Variants in AGBL1 observed in about 807,000 individuals in gnomAD.
AGBL1 encodes cytosolic carboxypeptidase 4.
Under a neutral mutation model 118.9 loss-of-function variants are expected in AGBL1, and 130 were observed. That is an observed-to-expected ratio of 1.09 (90% confidence interval 0.95 to 1.26). The LOEUF (loss-of-function observed/expected upper bound fraction) is 1.26. Among genes scored for constraint, AGBL1 ranks in the 50% most tolerant of loss-of-function variants. The pLI is 0.00. For synonymous variants in AGBL1, 555 were observed against 478.9 expected (o/e 1.16, Z -2.08); for missense variants, 1,584 against 1,298.1 (o/e 1.22, Z -3.38).
intron 15 of AGBL1, among the ~76,000 whole-genome samples, chr15:86,278,131 C>G (rs931320917): frequency 3.3e-5 from 5 of 152,192 alleles, no homozygotes; most frequent in African/African-American, 1.2e-4. Flanking sequence ...TTTGGAGAAG[C>G]TTCAGAACTT....
At position 86,264,741 on chromosome 15, in the gene AGBL1, G is replaced by A; in HGVS notation, c.1570G>A (p.Val524Met). The change falls in exon 11 of 23, where the codon GTG (valine) becomes ATG (methionine). Residue 524 changes from valine (V) to methionine (M), a missense_variant. By Grantham distance (21) the Val-to-Met change is conservative. Transcript: ENST00000614907. ...GGCCAAAGCCAGAAGAACCAGCTCT[G>A]TGGTGGACTTCAAGATGATGGCATT... Reference protein sequence around the residue: ...YMAKARRTSSVVDFKMMAFPD... With the variant: ...YMAKARRTSSMVDFKMMAFPD... 1 of 1,614,010 alleles carries A rather than the reference G, an allele frequency of 6.2e-7. No homozygotes were observed. Among genetic ancestry groups the A allele is most frequent in the Non-Finnish European group, 8.5e-7 (1 of 1,179,876 alleles).
chr15:86,688,332 C>G (rs1369354354), intron 22 of AGBL1, among the ~76,000 whole-genome samples: 2 of 151,904 alleles, frequency 1.3e-5, no homozygotes, highest in Non-Finnish European at 2.9e-5. Context: ...AGAAACTTGC[C>G]AAGAAGGAAC....
intron 1 of AGBL1, among the ~76,000 whole-genome samples, chr15:86,122,844 C>T (rs915829309): frequency 6.6e-6 from 1 of 152,140 alleles, no homozygotes; most frequent in Admixed American, 6.5e-5. Context: ...ACCCTCCTCC[C>T]TTTGGAATTC....
Position 86,433,575 on chromosome 15 carries a change from GAA to G in AGBL1, c.2555+36030_2555+36031del, listed in dbSNP as rs536255356. ...CCGCCATTCACATTTCTTGGAGAGA[GAA>G]GTGTGTCAGGGTCTCTACTTTTAAA... On this transcript the variant is annotated intron_variant, in intron 18 of 22. Transcript: ENST00000614907. Among the ~76,000 whole-genome samples the G allele has an allele frequency of 2.6e-3, 397 of 152,234 alleles. 3 individuals carry two copies. Among genetic ancestry groups the G allele is most frequent in the African/African-American group, 7.1e-3 (294 of 41,538 alleles).
At chr15:86,239,011 A>G (rs1317093958) in intron 6 of AGBL1, among the ~76,000 whole-genome samples, 1 of 152,084 alleles carries the variant, frequency 6.6e-6, no homozygotes, top group Non-Finnish European at 1.5e-5. Flanking sequence ...AGGGTGGGGG[A>G]AGAGCAGAGA....
intron 18 of AGBL1, among the ~76,000 whole-genome samples, chr15:86,402,191 T>C (rs570496254): frequency 3.3e-5 from 5 of 151,650 alleles, no homozygotes; most frequent in Non-Finnish European, 1.5e-5. Context: ...TTCTAGGTTA[T>C]TTATTTATTT....
intron 21 of AGBL1, among the ~76,000 whole-genome samples, chr15:86,582,362 G>C (rs1026455652): frequency 1.3e-5 from 2 of 152,072 alleles, no homozygotes; most frequent in Non-Finnish European, 2.9e-5. Context: ...TAAAGCCCTA[G>C]CCTTTGTAAT....
At chr15:86,683,570 T>C (rs557395295) in intron 22 of AGBL1, among the ~76,000 whole-genome samples, 1 of 152,288 alleles carries the variant, frequency 6.6e-6, no homozygotes, top group African/African-American at 2.4e-5. Flanking sequence ...ATTTACACAT[T>C]GCCAGTCAAC....
chr15:86,091,767 A>G (rs1206847641), intron 1 of AGBL1, among the ~76,000 whole-genome samples: 1 of 152,092 alleles, frequency 6.6e-6, no homozygotes, highest in African/African-American at 2.4e-5. Context: ...ACTTCCAGTA[A>G]AATAAATCTC....
chr15:86,402,573 GAC>G (rs1223749222), intron 18 of AGBL1, among the ~76,000 whole-genome samples: 1 of 152,140 alleles, frequency 6.6e-6, no homozygotes, highest in Non-Finnish European at 1.5e-5. Context: ...TCAGTAAAGA[GAC>G]AATCCTTGCA....
intron 22 of AGBL1, among the ~76,000 whole-genome samples, chr15:86,767,278 T>C (rs1041730723): frequency 1.3e-5 from 2 of 151,924 alleles, no homozygotes; most frequent in African/African-American, 4.8e-5. Context: ...GGCATTCTGA[T>C]CATGTGTTCA....
At chr15:86,967,910 C>T (rs759655666) in intron 23 of AGBL1, among the ~76,000 whole-genome samples, 1 of 152,024 alleles carries the variant, frequency 6.6e-6, no homozygotes, top group Non-Finnish European at 1.5e-5. Context: ...TATAAATTAC[C>T]TTGGGCAGTA....
intron 18 of AGBL1, among the ~76,000 whole-genome samples, chr15:86,483,232 C>A (rs1445726992): frequency 1.3e-5 from 2 of 151,986 alleles, no homozygotes; most frequent in Non-Finnish European, 2.9e-5. Flanking sequence ...AACATGAAAA[C>A]CCTCACTGTA....
At chr15:86,600,548 C>G (rs2084477277) in intron 21 of AGBL1, among the ~76,000 whole-genome samples, 1 of 152,108 alleles carries the variant, frequency 6.6e-6, no homozygotes. Context: ...GAATAGTCAT[C>G]CCCTGGCAGT....
At chr15:86,930,050 A>C (rs1194664958) in intron 23 of AGBL1, among the ~76,000 whole-genome samples, 1 of 152,178 alleles carries the variant, frequency 6.6e-6, no homozygotes, top group Admixed American at 6.5e-5. Flanking sequence ...TGCCGAAGGA[A>C]ACATACCATA....
intron 16 of AGBL1, among the ~76,000 whole-genome samples, chr15:86,292,658 G>A (rs1035964772): frequency 6.6e-5 from 10 of 152,102 alleles, no homozygotes; most frequent in African/African-American, 2.4e-4. Flanking sequence ...TGGCTTAAAG[G>A]CAGATATTTT....
At chr15:86,266,327 A>G in intron 11 of AGBL1, 47 bp from the exon 12 acceptor site, 2 of 1,426,474 alleles carry the variant, frequency 1.4e-6, no homozygotes, top group Non-Finnish European at 1.9e-6. Flanking sequence ...TGAGTGAGCT[A>G]GGGAGAGAAG....
At chr15:86,951,522 G>C (rs754739823) in intron 23 of AGBL1, among the ~76,000 whole-genome samples, 2 of 152,100 alleles carry the variant, frequency 1.3e-5, no homozygotes, top group African/African-American at 2.4e-5. Flanking sequence ...ATGACATCAT[G>C]GTTAATCTCA....
At chr15:86,397,146 C>T (rs915206218) in intron 17 of AGBL1, among the ~76,000 whole-genome samples, 4 of 151,582 alleles carry the variant, frequency 2.6e-5, no homozygotes, top group African/African-American at 7.3e-5. Context: ...AAAAAGGCTA[C>T]GGTTTTTTAG....
Sources: allele counts gnomAD v4.1 joint callset (sites outside exome capture counted in the v4.1 genomes callset), GRCh38; gene constraint gnomAD v4.1.1; transcripts MANE v1.5; gene names NCBI Gene and HGNC (gene_info 2026-07-23, HGNC 2026-07-21).